MYO9A: variants seen among roughly 807,000 people sequenced by gnomAD.
MYO9A encodes myosin IXA.
A neutral mutation model predicts 293.3 loss-of-function variants in MYO9A; 103 were observed. The ratio of observed to expected loss-of-function variants is 0.35; its 90% CI spans 0.30 to 0.41. The LOEUF (loss-of-function observed/expected upper bound fraction) is 0.41. Among genes scored for constraint, MYO9A ranks in the 10% least tolerant of loss-of-function variants. MYO9A has a pLI of 1.00. For missense variants in MYO9A, 2,685 were observed against 3,033.0 expected (o/e 0.89, Z 2.69); for synonymous variants, 1,001 against 1,035.7 (o/e 0.97, Z 0.64).
chr15:71,975,094 G>A (rs1277053934), intron 12 of MYO9A, among the ~76,000 whole-genome samples: 3 of 152,176 alleles, frequency 2.0e-5, no homozygotes, highest in Admixed American at 6.5e-5. Context: ...TCCTGCTTCT[G>A]GAATCTGACA....
intron 33 of MYO9A, among the ~76,000 whole-genome samples, chr15:71,861,196 TAAGTA>T (rs2141722618): frequency 6.6e-6 from 1 of 151,338 alleles, no homozygotes; most frequent in South Asian, 2.1e-4. Flanking sequence ...AACCATGGAA[TAAGTA>T]AATATATAGT....
chr15:71,983,470 CTTTTT>C (rs1170508506), intron 11 of MYO9A, among the ~76,000 whole-genome samples: 1 of 72,894 alleles, frequency 1.4e-5, no homozygotes, highest in Non-Finnish European at 2.5e-5. Flanking sequence ...TTTTTTATTT[CTTTTT>C]TTTTTTTTTT....
chr15:71,880,571 A>G lies in MYO9A; in HGVS notation c.5399-13T>C. The G allele has an allele frequency of 3.1e-6, 5 of 1,602,358 alleles. No homozygotes were observed. The highest frequency in any genetic ancestry group is 4.3e-6 in the Non-Finnish European group (5 of 1,171,814). ...TATGCAGCTAATTCTACAATTCAAG[A>G]TAGAAGACCCAAAAGGACACATTTA... On this transcript the variant is annotated splice_polypyrimidine_tract_variant and intron_variant, in intron 28 of 41. Coordinates refer to ENST00000356056, the MANE Select transcript of MYO9A (RefSeq NM_006901.4).
intron 1 of MYO9A, among the ~76,000 whole-genome samples, chr15:72,100,772 C>A (rs1352420279): frequency 1.3e-5 from 2 of 151,214 alleles, no homozygotes; most frequent in Non-Finnish European, 3.0e-5. Context: ...GGCAGCTGCC[C>A]CGTCTGAGAA....
chr15:72,041,337 G>C (rs976524403), intron 2 of MYO9A: 1 of 594,538 alleles, frequency 1.7e-6, no homozygotes, highest in Non-Finnish European at 3.2e-6. Flanking sequence ...AACTTCATCA[G>C]CTTCTGTCGG....
chr15:72,016,850 C>T (rs1391656948), intron 6 of MYO9A, among the ~76,000 whole-genome samples: 3 of 151,968 alleles, frequency 2.0e-5, no homozygotes, highest in African/African-American at 7.2e-5. Context: ...ACAACATTCA[C>T]TATGCACTTA....
In MYO9A at chr15:71,826,009, G is replaced by GTTTTTTTTT. The variant is rs1158678203; in HGVS notation, c.*562_*570dup. Reference sequence around the variant, plus strand: ...GGTTTTTTTTTGTTTTTTTTTTTTTGTTTTTTTTTTTTGTTTTTGCTTTCC... The same window carrying GTTTTTTTTT: ...GGTTTTTTTTTGTTTTTTTTTTTTTGTTTTTTTTTTTTTTTTTTTTTGTTTTTGCTTTCC... On this transcript the variant is annotated 3_prime_UTR_variant, in exon 42 of 42. Coordinates refer to ENST00000356056, the MANE Select transcript of MYO9A (RefSeq NM_006901.4). 3 of 64,190 alleles carry GTTTTTTTTT rather than the reference G, an allele frequency of 4.7e-5. No individual in the cohort carries two copies. Among genetic ancestry groups the GTTTTTTTTT allele is most frequent in the Admixed American group, 1.7e-4 (1 of 5,862 alleles). The allele number at this position is 64,190 out of a possible 1,614,324, so 4.0% of individuals were successfully genotyped here. A position where few individuals can be genotyped will look rare whatever the true frequency, so the allele number is the denominator to read the frequency against.
intron 1 of MYO9A, among the ~76,000 whole-genome samples, chr15:72,068,869 T>C (rs1284248887): frequency 6.6e-6 from 1 of 152,184 alleles, no homozygotes; most frequent in Admixed American, 6.5e-5. Flanking sequence ...CAAACACTCA[T>C]ACAGCATTTA....
chr15:72,113,416 G>A (rs2080853304), intron 1 of MYO9A, among the ~76,000 whole-genome samples: 1 of 152,196 alleles, frequency 6.6e-6, no homozygotes, highest in Non-Finnish European at 1.5e-5. Flanking sequence ...CATTACCTGA[G>A]AGGAAGCCTA....
rs1232575182 is a variant in MYO9A at position 71,907,405 on chromosome 15, C to T, written c.2686-2399G>A. Among the ~76,000 whole-genome samples the T allele has an allele frequency of 2.6e-3, 367 of 139,808 alleles. 5 individuals carry two copies. Among genetic ancestry groups the T allele is most frequent in the African/African-American group, 9.3e-3 (351 of 37,936 alleles). 91.7% of individuals were successfully genotyped at this position (139,808 alleles called of 152,430 possible). A position where few individuals can be genotyped will look rare whatever the true frequency, so the allele number is the denominator to read the frequency against. ...TGTGAATAGTGCCGCAATAAACATA[C>T]GTGTGCATGTGTCTTTATAGCAGCA... On this transcript the variant is annotated intron_variant, in intron 19 of 41. Transcript: ENST00000356056.
chr15:72,045,961 T>G lies in MYO9A; in HGVS notation c.603A>C (p.Lys201Asn), dbSNP rs1356438047. The G allele has an allele frequency of 6.2e-7, 1 of 1,614,200 alleles. No individual in the cohort carries two copies. Among genetic ancestry groups the G allele is most frequent in the Admixed American group, 1.7e-5 (1 of 60,028 alleles). ...TTCCCAGTTGGTGGTTATCATACAT[T>G]TTGACATATTTGGGGTTATAAATAG... is the stretch of plus-strand genomic sequence containing the variant. ...FLPIYNPKYV[K>N]MYDNHQLGKL... Residue 201 changes from lysine to asparagine, a missense_variant, in exon 2 of 42, where the codon AAA becomes AAC. Lys to Asn is a moderately conservative substitution (Grantham distance 94, BLOSUM62 0). This residue lies in a region of MYO9A where 289 missense variants were observed against 456.8 expected (regional missense o/e 0.63). Transcript: ENST00000356056.
At chr15:71,976,197 C>T (rs2076144150) in intron 12 of MYO9A, among the ~76,000 whole-genome samples, 1 of 152,070 alleles carries the variant, frequency 6.6e-6, no homozygotes, top group African/African-American at 2.4e-5. Flanking sequence ...CAGCTGGTGT[C>T]CACTGCTTAT....
At chr15:71,899,159 AAACT>A in intron 24 of MYO9A, 127 bp from the exon 25 acceptor site, 10 of 852,240 alleles carry the variant, frequency 1.2e-5, no homozygotes, top group Non-Finnish European at 1.8e-5. Flanking sequence ...AGTTCTTCTT[AAACT>A]AACTTGAATG....
chr15:71,861,689 A>AC (rs2056134836), intron 33 of MYO9A, among the ~76,000 whole-genome samples: 3 of 142,596 alleles, frequency 2.1e-5, no homozygotes, highest in African/African-American at 5.6e-5. Context: ...TAAAAAAAAA[A>AC]AAAAAAAAAA....
intron 36 of MYO9A, 82 bp from the exon 37 acceptor site, chr15:71,851,440 G>C: frequency 9.0e-7 from 1 of 1,107,846 alleles, no homozygotes; most frequent in South Asian, 1.6e-5. Context: ...ATGAAGCAAA[G>C]AAGGCTGGCT....
chr15:72,064,141 G>A (rs2078952790), intron 1 of MYO9A, among the ~76,000 whole-genome samples: 1 of 152,194 alleles, frequency 6.6e-6, no homozygotes, highest in South Asian at 2.1e-4. Flanking sequence ...ATAAAGAGTA[G>A]AGTGATGGTT....
rs945373137 is a variant in MYO9A, at chr15:71,825,926, C to T, written c.*654G>A. ...CATCAAAAAAAATAGGTATTCTCTTCTTCACTGTATAACAAGATATCTGAG... is the reference window on the plus strand; with the variant it reads ...CATCAAAAAAAATAGGTATTCTCTTTTTCACTGTATAACAAGATATCTGAG... On this transcript the variant is annotated 3_prime_UTR_variant, in exon 42 of 42. Coordinates refer to ENST00000356056, the MANE Select transcript of MYO9A (RefSeq NM_006901.4). 1 of 150,978 alleles carries T rather than the reference C, an allele frequency of 6.6e-6. No individual in the cohort carries two copies. Among genetic ancestry groups the T allele is most frequent in the African/African-American group, 2.4e-5 (1 of 41,044 alleles). The allele number at this position is 150,978 out of a possible 1,614,324, so 9.4% of individuals were successfully genotyped here.
At chr15:71,842,246 G>A (rs2055191585) in intron 39 of MYO9A, among the ~76,000 whole-genome samples, 1 of 150,466 alleles carries the variant, frequency 6.6e-6, no homozygotes, top group African/African-American at 2.5e-5. Flanking sequence ...GCGTGGTAGT[G>A]CACACCTGTA....
intron 2 of MYO9A, among the ~76,000 whole-genome samples, chr15:72,038,466 G>T (rs918144635): frequency 6.6e-6 from 1 of 152,118 alleles, no homozygotes; most frequent in Non-Finnish European, 1.5e-5. Flanking sequence ...AACCACAAAA[G>T]AATTAAATTA....
Sources: gnomAD v4.1 joint callset for allele counts (sites outside exome capture counted in the v4.1 genomes callset) on GRCh38, gnomAD v4.1.1 for gene constraint, gnomAD v4.1.1 regional missense constraint, MANE v1.5 for transcripts, NCBI Gene and HGNC (gene_info 2026-07-23, HGNC 2026-07-21) for gene names.